PRIMA1: variants seen among roughly 807,000 people sequenced by gnomAD.
PRIMA1 encodes proline rich membrane anchor 1.
In PRIMA1, 7 loss-of-function variants were observed where a neutral mutation model predicts 17.5. The ratio of observed to expected loss-of-function variants is 0.40; its 90% CI spans 0.23 to 0.75. The LOEUF (loss-of-function observed/expected upper bound fraction) is 0.75. Among genes scored for constraint, PRIMA1 ranks in the 30% least tolerant of loss-of-function variants. The pLI, the probability that PRIMA1 is intolerant of heterozygous loss-of-function variation, is 0.37. For missense variants in PRIMA1, 200 were observed against 201.8 expected, an observed-to-expected ratio of 0.99 and a Z score of 0.05; for synonymous variants, 97 against 77.9, an observed-to-expected ratio of 1.25 and a Z score of -1.29.
chr14:93,777,631 C>T (rs970385900), intron 3 of PRIMA1, among the ~76,000 whole-genome samples: 1 of 152,208 alleles, frequency 6.6e-6, no homozygotes, highest in East Asian at 1.9e-4. Context: ...CCACTGTGCC[C>T]GACCAATCCC....
At chr14:93,779,763 T>A (rs1885326225) in intron 2 of PRIMA1, among the ~76,000 whole-genome samples, 1 of 152,180 alleles carries the variant, frequency 6.6e-6, no homozygotes, top group Admixed American at 6.5e-5. Context: ...CCTGGCCTTC[T>A]CTCCAGCCCT....
At chr14:93,739,889 A>C (rs1260084448) in intron 3 of PRIMA1, among the ~76,000 whole-genome samples, 1 of 152,098 alleles carries the variant, frequency 6.6e-6, no homozygotes. Flanking sequence ...AACATAGTGA[A>C]ACCCCGTCTC....
intron 3 of PRIMA1, among the ~76,000 whole-genome samples, chr14:93,768,109 T>TA (rs1263189395): frequency 2.0e-5 from 3 of 151,312 alleles, no homozygotes; most frequent in Admixed American, 6.6e-5. Flanking sequence ...AATCTCTTTT[T>TA]AAAAAAAAAG....
At chr14:93,744,422 G>A (rs1183033543) in intron 3 of PRIMA1, among the ~76,000 whole-genome samples, 1 of 152,224 alleles carries the variant, frequency 6.6e-6, no homozygotes, top group Non-Finnish European at 1.5e-5. Flanking sequence ...GTGCCAGGGC[G>A]TCCACCTCCT....
chr14:93,742,732 A>G (rs1023703252), intron 3 of PRIMA1, among the ~76,000 whole-genome samples: 2 of 152,192 alleles, frequency 1.3e-5, no homozygotes, highest in African/African-American at 4.8e-5. Flanking sequence ...TTTTGTGACT[A>G]TCAGAGGAGA....
chr14:93,765,164 G>C (rs1434138508), intron 3 of PRIMA1, among the ~76,000 whole-genome samples: 1 of 151,824 alleles, frequency 6.6e-6, no homozygotes. Flanking sequence ...AACCAAAACC[G>C]AGACATGGCC....
intron 3 of PRIMA1, among the ~76,000 whole-genome samples, chr14:93,751,422 A>G (rs1198214619): frequency 1.3e-5 from 2 of 152,194 alleles, no homozygotes; most frequent in Non-Finnish European, 2.9e-5. Context: ...CCTGGGGAGC[A>G]CTTCATTTAA....
chr14:93,769,070 C>T lies in PRIMA1; in HGVS notation c.229+10106G>A, dbSNP rs148556142. On this transcript the variant is annotated intron_variant, in intron 3 of 4. Coordinates refer to ENST00000393140, the MANE Select transcript of PRIMA1 (RefSeq NM_178013.4). ...AGTCCAGCCATTCTAGAGGCTCTTA[C>T]GGATCTCAAACTCATCTGGAGATAG... 2.1e-3 allele frequency among the ~76,000 whole-genome samples: 318 copies of T among 151,470 alleles called. 3 individuals are homozygous for T. Among genetic ancestry groups the T allele is most frequent in the African/African-American group, 7.4e-3 (306 of 41,300 alleles).
chr14:93,779,225 CA>C lies in PRIMA1; in HGVS notation c.179del (p.Leu60ArgfsTer35). ...HVCQCRPPPP[L>X]PPPPPPPPPP... ...GTGGCGGGGGTGGGGGCGGCGGGGG[CA>C]GCGGGGGAGGGGGCCGGCACTGGCA... On this transcript the variant is annotated frameshift_variant, in exon 3 of 5. Coordinates refer to ENST00000393140, the MANE Select transcript of PRIMA1 (RefSeq NM_178013.4). LOFTEE classifies it high-confidence loss of function. 11 of 532,602 alleles carry C rather than the reference CA, an allele frequency of 2.1e-5. No individual in the cohort carries two copies. Among genetic ancestry groups the C allele is most frequent in the Non-Finnish European group, 2.7e-5 (11 of 406,392 alleles). 33.0% of individuals were successfully genotyped at this position (532,602 alleles called of 1,614,324 possible).
chr14:93,765,495 G>A (rs761838150), intron 3 of PRIMA1, among the ~76,000 whole-genome samples: 49 of 150,306 alleles, frequency 3.3e-4, no homozygotes, highest in Non-Finnish European at 5.6e-4. Flanking sequence ...TGGCCACCCT[G>A]TACTGGACAC....
chr14:93,751,812 A>T (rs1345947165), intron 3 of PRIMA1, among the ~76,000 whole-genome samples: 1 of 152,216 alleles, frequency 6.6e-6, no homozygotes, highest in Non-Finnish European at 1.5e-5. Flanking sequence ...CGTAGTATTG[A>T]AGAAAACAAT....
Position 93,779,216 on chromosome 14 carries a change from C to A in PRIMA1, c.189G>T (p.Pro63=), listed in dbSNP as rs775188425. 2 of 414,876 alleles carry A rather than the reference C, an allele frequency of 4.8e-6. No individual in the cohort carries two copies. The highest frequency in any genetic ancestry group is 6.2e-6 in the Non-Finnish European group (2 of 321,550). 25.7% of individuals were successfully genotyped at this position (414,876 alleles called of 1,614,324 possible). A position where few individuals can be genotyped will look rare whatever the true frequency, so the allele number is the denominator to read the frequency against. The change falls in exon 3 of 5, where the codon CCG becomes CCT. Residue 63 remains proline (P), a synonymous_variant. Transcript: ENST00000393140. ...GTCTGGGAGGTGGCGGGGGTGGGGGCGGCGGGGGCAGCGGGGGAGGGGGCC... is the reference window on the plus strand; with the variant it reads ...GTCTGGGAGGTGGCGGGGGTGGGGGAGGCGGGGGCAGCGGGGGAGGGGGCC... ...QCRPPPPLPP[P]PPPPPPPRLL...
At chr14:93,737,763 G>T (rs74076320) in intron 3 of PRIMA1, among the ~76,000 whole-genome samples, 1 of 152,182 alleles carries the variant, frequency 6.6e-6, no homozygotes, top group Non-Finnish European at 1.5e-5. Context: ...CAGCCAGGCT[G>T]GCCTCTGAGC....
chr14:93,727,721 A>C (rs1189671207), intron 4 of PRIMA1, among the ~76,000 whole-genome samples: 2 of 151,848 alleles, frequency 1.3e-5, no homozygotes, highest in Middle Eastern at 6.8e-3. Context: ...AGGCAGACAC[A>C]TGTGGGCATG....
chr14:93,736,966 T>C (rs1368335691), intron 4 of PRIMA1, among the ~76,000 whole-genome samples: 1 of 152,204 alleles, frequency 6.6e-6, no homozygotes, highest in African/African-American at 2.4e-5. Context: ...CTCTCTAAAG[T>C]GACAGAGACA....
At chr14:93,744,796 C>G (rs2076206500) in intron 3 of PRIMA1, among the ~76,000 whole-genome samples, 1 of 152,196 alleles carries the variant, frequency 6.6e-6, no homozygotes, top group African/African-American at 2.4e-5. Context: ...AAGCTCTTGG[C>G]TGCCCATAAC....
intron 4 of PRIMA1, among the ~76,000 whole-genome samples, chr14:93,723,310 G>T (rs2076054612): frequency 6.6e-6 from 1 of 152,178 alleles, no homozygotes; most frequent in Non-Finnish European, 1.5e-5. Context: ...AGGCCCAGGA[G>T]TTGATTGCTT....
intron 4 of PRIMA1, among the ~76,000 whole-genome samples, chr14:93,735,838 T>G (rs2076146583): frequency 6.6e-6 from 1 of 152,054 alleles, no homozygotes; most frequent in African/African-American, 2.4e-5. Context: ...TATAGGCGTG[T>G]GCCACCATGA....
intron 3 of PRIMA1, among the ~76,000 whole-genome samples, chr14:93,745,330 G>A (rs1011114776): frequency 1.3e-5 from 2 of 152,228 alleles, no homozygotes; most frequent in African/African-American, 2.4e-5. Context: ...AAGCCACAAG[G>A]GTGGGCCAGG....
Sources: allele counts gnomAD v4.1 joint callset (sites outside exome capture counted in the v4.1 genomes callset), GRCh38; gene constraint gnomAD v4.1.1; transcripts MANE v1.5; gene names NCBI Gene and HGNC (gene_info 2026-07-23, HGNC 2026-07-21).